GRID1: variants seen among roughly 807,000 people sequenced by gnomAD.
GRID1 encodes glutamate receptor ionotropic, delta-1.
A neutral mutation model predicts 98.0 loss-of-function variants in GRID1; 28 were observed. The ratio of observed to expected loss-of-function variants is 0.29; its 90% CI spans 0.21 to 0.39. The LOEUF is 0.39. GRID1 is among the 10% of genes least tolerant of loss of function. The pLI is 1.00. For synonymous variants in GRID1, 553 were observed against 538.5 expected (o/e 1.03, Z -0.37); for missense variants, 1,111 against 1,340.5 (o/e 0.83, Z 2.67).
At position 85,727,846 on chromosome 10, in the gene GRID1, G is replaced by C. The variant is rs74148737; in HGVS notation, c.1533+9C>G. ...TGCCCCTCCCCCTGGATCTGCTATGGGGACCTACCTTGCTGATGAGCTCCC... is the reference window on the plus strand; with the variant it reads ...TGCCCCTCCCCCTGGATCTGCTATGCGGACCTACCTTGCTGATGAGCTCCC... On this transcript the variant is annotated intron_variant, in intron 10 of 15. Coordinates refer to ENST00000327946, the MANE Select transcript of GRID1 (RefSeq NM_017551.3). The C allele has an allele frequency of 0.029, 46,346 of 1,608,984 alleles. 1,431 individuals are homozygous for C. Among genetic ancestry groups the C allele is most frequent in the African/African-American group, 0.15 (11,352 of 74,826 alleles).
intron 13 of GRID1, among the ~76,000 whole-genome samples, chr10:85,628,822 C>T (rs1842940576): frequency 6.6e-6 from 1 of 152,070 alleles, no homozygotes; most frequent in Non-Finnish European, 1.5e-5. Context: ...TAATTTGGCT[C>T]CTGGCTGCAG....
intron 3 of GRID1, among the ~76,000 whole-genome samples, chr10:86,175,127 T>C (rs1845555485): frequency 6.6e-6 from 1 of 152,186 alleles, no homozygotes. Context: ...TCATTGAAAG[T>C]TCTATAAAGA....
intron 12 of GRID1, among the ~76,000 whole-genome samples, chr10:85,682,718 A>G (rs567155987): frequency 2.6e-5 from 4 of 152,218 alleles, no homozygotes; most frequent in Admixed American, 6.5e-5. Flanking sequence ...CCCTTCTCCA[A>G]TGGAGGCCAA....
At chr10:85,846,655 T>C (rs2131775151) in intron 8 of GRID1, among the ~76,000 whole-genome samples, 1 of 152,134 alleles carries the variant, frequency 6.6e-6, no homozygotes, top group South Asian at 2.1e-4. Context: ...TGCTGTCAAG[T>C]CTAATCAAAA....
intron 2 of GRID1, among the ~76,000 whole-genome samples, chr10:86,241,913 G>T (rs753624132): frequency 6.6e-6 from 1 of 152,174 alleles, no homozygotes. Flanking sequence ...CCTCCTGTGT[G>T]CCAATGCCTA....
At chr10:86,215,483 G>A (rs1297211020) in intron 2 of GRID1, among the ~76,000 whole-genome samples, 1 of 152,198 alleles carries the variant, frequency 6.6e-6, no homozygotes, top group Non-Finnish European at 1.5e-5. Flanking sequence ...CCTCATTAAT[G>A]ACTTTTACTG....
chr10:85,778,909 C>T (rs191387830), intron 8 of GRID1, among the ~76,000 whole-genome samples: 2 of 152,084 alleles, frequency 1.3e-5, no homozygotes, highest in East Asian at 3.9e-4. Flanking sequence ...ACAGATATAG[C>T]TGGGAAGAGT....
chr10:86,140,570 G>A (rs560536402), intron 3 of GRID1, among the ~76,000 whole-genome samples: 8 of 152,314 alleles, frequency 5.3e-5, no homozygotes, highest in Admixed American at 2.6e-4. Flanking sequence ...CAAGCAGCGC[G>A]AGGGAGAAGA....
chr10:86,116,027 TACC>T (rs1392816978), intron 4 of GRID1, among the ~76,000 whole-genome samples: 1 of 152,218 alleles, frequency 6.6e-6, no homozygotes, highest in African/African-American at 2.4e-5. Context: ...CGATAGGCTG[TACC>T]ATAAAGCCTA....
chr10:86,360,643 G>A (rs1341731770), intron 2 of GRID1, among the ~76,000 whole-genome samples: 2 of 152,286 alleles, frequency 1.3e-5, no homozygotes, highest in South Asian at 2.1e-4. Flanking sequence ...TCACAGTTGG[G>A]TCAAGGAACG....
At chr10:85,835,832 T>A (rs1041600984) in intron 8 of GRID1, among the ~76,000 whole-genome samples, 1 of 152,186 alleles carries the variant, frequency 6.6e-6, no homozygotes, top group Non-Finnish European at 1.5e-5. Context: ...ATACAGAGTA[T>A]GTTATCTGAT....
At chr10:86,244,034 A>G (rs1846681779) in intron 2 of GRID1, among the ~76,000 whole-genome samples, 1 of 152,234 alleles carries the variant, frequency 6.6e-6, no homozygotes, top group African/African-American at 2.4e-5. Context: ...GTATGTGTGC[A>G]CACCTGTATA....
At chr10:85,665,032 G>T (rs1841004038) in intron 12 of GRID1, among the ~76,000 whole-genome samples, 1 of 152,106 alleles carries the variant, frequency 6.6e-6, no homozygotes, top group Non-Finnish European at 1.5e-5. Flanking sequence ...ATATTAAAAT[G>T]CAAGTAATTC....
intron 8 of GRID1, among the ~76,000 whole-genome samples, chr10:85,829,621 T>C (rs1338400683): frequency 6.6e-6 from 1 of 152,092 alleles, no homozygotes; most frequent in African/African-American, 2.4e-5. Context: ...ACAAAATCAA[T>C]ACACAAAAAT....
intron 4 of GRID1, among the ~76,000 whole-genome samples, chr10:86,088,330 AC>A (rs1844094640): frequency 6.6e-6 from 1 of 152,228 alleles, no homozygotes; most frequent in South Asian, 2.1e-4. Flanking sequence ...GAGAGAGATC[AC>A]ATCTGTTAAT....
At chr10:86,106,841 G>A (rs987590550) in intron 4 of GRID1, among the ~76,000 whole-genome samples, 9 of 152,102 alleles carry the variant, frequency 5.9e-5, no homozygotes, top group South Asian at 2.1e-4. Context: ...TGGAGGTGGC[G>A]GCTAAGATGG....
chr10:86,286,345 C>A (rs543155810), intron 2 of GRID1, among the ~76,000 whole-genome samples: 2 of 152,230 alleles, frequency 1.3e-5, no homozygotes, highest in African/African-American at 4.8e-5. Context: ...CCAGGAAGGA[C>A]GCCTGAGGGA....
intron 4 of GRID1, among the ~76,000 whole-genome samples, chr10:86,002,359 T>C (rs1281422939): frequency 2.0e-5 from 3 of 152,250 alleles, no homozygotes; most frequent in African/African-American, 7.2e-5. Context: ...TTATCCTGAA[T>C]TGCATTTTTT....
chr10:85,942,262 C>T (rs1842005212), intron 4 of GRID1, among the ~76,000 whole-genome samples: 1 of 152,208 alleles, frequency 6.6e-6, no homozygotes. Flanking sequence ...GGGGCACTCA[C>T]AGGCTTTCTC....
Sources: gnomAD v4.1 joint callset for allele counts (sites outside exome capture counted in the v4.1 genomes callset) on GRCh38, gnomAD v4.1.1 for gene constraint, MANE v1.5 for transcripts, NCBI Gene and HGNC (gene_info 2026-07-23, HGNC 2026-07-21) for gene names.